TULP1: variants seen among roughly 807,000 people sequenced by gnomAD.
TULP1 encodes the protein tubby-related protein 1.
TULP1 carries 50 observed loss-of-function variants against 67.1 expected under a neutral mutation model. The ratio of observed to expected loss-of-function variants is 0.75; its 90% CI spans 0.59 to 0.94. The LOEUF (loss-of-function observed/expected upper bound fraction) is 0.94. Among genes scored for constraint, TULP1 ranks in the 40% least tolerant of loss-of-function variants. TULP1 has a pLI of 0.00. For missense variants in TULP1, 746 were observed against 734.1 expected, an observed-to-expected ratio of 1.02 and a Z score of -0.19; for synonymous variants, 297 against 294.0, an observed-to-expected ratio of 1.01 and a Z score of -0.11.
chr6:35,506,441 G>A (rs528440059), intron 8 of TULP1, among the ~76,000 whole-genome samples, 162 bp from the exon 9 acceptor site: 1 of 152,284 alleles, frequency 6.6e-6, no homozygotes, highest in South Asian at 2.1e-4. Context: ...TTGTGGATAG[G>A]AGCACACACT....
chr6:35,510,202 C>T (rs1004722181), intron 5 of TULP1, among the ~76,000 whole-genome samples: 5 of 152,052 alleles, frequency 3.3e-5, no homozygotes, highest in East Asian at 1.9e-4. Context: ...TACAGGCGCG[C>T]GCCACCACCC....
At chr6:35,506,765 A>C (rs1761097064) in intron 8 of TULP1, among the ~76,000 whole-genome samples, 1 of 152,172 alleles carries the variant, frequency 6.6e-6, no homozygotes, top group Admixed American at 6.5e-5. Context: ...TCACATAACT[A>C]GTAAGAGGTG....
intron 8 of TULP1, among the ~76,000 whole-genome samples, chr6:35,507,387 C>A (rs2103680): frequency 0.061 from 9,219 of 151,996 alleles, 415 homozygotes; most frequent in Admixed American, 0.12. Context: ...TCCTCCGAGA[C>A]CCTGAGCCAG....
chr6:35,509,260 C>G lies in TULP1; in HGVS notation c.771G>C (p.Thr257=), dbSNP rs189081258. 14 of 1,613,988 alleles carry G rather than the reference C, an allele frequency of 8.7e-6. No individual in the cohort carries two copies. The part of the protein sequence containing the change: ...KEEEEEEEAA[T]VIKKSNQKGK... ...CCTTTTGATTGCTCTTCTTTATCAC[C>G]GTAGCTGCCTCCTCCTCCTCTTCTT... Residue 257 remains threonine, a synonymous_variant, in exon 8 of 15, where the codon ACG becomes ACC. Coordinates refer to ENST00000229771, the MANE Select transcript of TULP1 (RefSeq NM_003322.6).
rs1331834680 is a variant in TULP1 at position 35,512,270 on chromosome 6, G to A, written c.100C>T (p.Arg34Ter). 2.2e-6 allele frequency: 3 copies of A among 1,388,424 alleles called. No homozygotes were observed. Among genetic ancestry groups the A allele is most frequent in the Non-Finnish European group, 2.8e-6 (3 of 1,068,020 alleles). 86.0% of individuals were successfully genotyped at this position (1,388,424 alleles called of 1,614,324 possible). ...CTTAGCCTCTGTGCCGGGGCGGGTC[G>A]CTGCGGAACGGGGGTCAAGAGGAGG... ...SPEAPRRPKQ[R>*]PAPAQRLRKK... Residue 34 changes from arginine to a stop codon, truncating the protein, a stop_gained and splice_region_variant, in exon 3 of 15, where the codon CGA becomes TGA. Transcript: ENST00000229771. LOFTEE classifies it high-confidence loss of function.
At chr6:35,500,221 C>G in intron 13 of TULP1, 69 bp from the exon 14 acceptor site, 1 of 1,562,144 alleles carries the variant, frequency 6.4e-7, no homozygotes, top group South Asian at 1.1e-5. Context: ...CAGGACTGAC[C>G]GGAGAAGGGG....
chr6:35,508,605 T>C (rs1476956505), intron 8 of TULP1, among the ~76,000 whole-genome samples: 1 of 152,224 alleles, frequency 6.6e-6, no homozygotes, highest in Non-Finnish European at 1.5e-5. Flanking sequence ...CTTTTGTGTG[T>C]TGGTGTCTGA....
Position 35,506,274 on chromosome 6 carries a change from C to G in TULP1, c.828G>C (p.Ala276=). Residue 276 remains alanine (A), a splice_region_variant and synonymous_variant, in exon 9 of 15, where the codon GCG becomes GCC. Coordinates refer to ENST00000229771, the MANE Select transcript of TULP1 (RefSeq NM_003322.6). ...CGGGCAGCCCGGCAGGACAACTCAC[C>G]GCTTTCTGTGTGCGGAGAGAACAGA... ...GKAKGKGKKK[A]KEERAPSPPV... The G allele has an allele frequency of 6.3e-7, 1 of 1,582,416 alleles. No homozygotes were observed. The highest frequency in any genetic ancestry group is 8.6e-7 in the Non-Finnish European group (1 of 1,164,396).
At position 35,498,358 on chromosome 6, in the gene TULP1, G is replaced by A; in HGVS notation, c.1598C>T (p.Ser533Phe). 1 of 1,613,278 alleles carries A rather than the reference G, an allele frequency of 6.2e-7. No individual in the cohort carries two copies. The highest frequency in any genetic ancestry group is 8.5e-7 in the Non-Finnish European group (1 of 1,179,772). Residue 533 changes from serine to phenylalanine, a missense_variant, in exon 15 of 15, where the codon TCC (serine) becomes TTC (phenylalanine). Around this residue, in one of 3 missense-constraint regions of TULP1, gnomAD observed 383 missense variants for 374.1 expected, o/e 1.02. Coordinates refer to ENST00000229771, the MANE Select transcript of TULP1 (RefSeq NM_003322.6). This position sits in a 1 kb window ranked among gnomAD's most constrained non-coding sequence, Gnocchi z 6.7. Reference sequence around the variant, plus strand: ...GCAGGCCAGCTTCCCGTCGAAACTGGAGAGGGCGATGGCGAAGGCCTGCAG... The same window carrying A: ...GCAGGCCAGCTTCCCGTCGAAACTGAAGAGGGCGATGGCGAAGGCCTGCAG... Reference protein sequence around the residue: ...CALQAFAIALSSFDGKLACE With the variant: ...CALQAFAIALFSFDGKLACE
intron 8 of TULP1, 120 bp from the exon 9 acceptor site, chr6:35,506,399 G>A: frequency 8.0e-7 from 1 of 1,253,508 alleles, no homozygotes; most frequent in South Asian, 1.3e-5. Context: ...AGGCTCTGGG[G>A]AGCTCTGTGA....
At chr6:35,504,601 C>T (rs1415524626) in intron 11 of TULP1, among the ~76,000 whole-genome samples, 1 of 152,046 alleles carries the variant, frequency 6.6e-6, no homozygotes, top group African/African-American at 2.4e-5. Flanking sequence ...CACTCTGTCG[C>T]CCAGGCTGGA....
chr6:35,499,535 G>A (rs1768782335), intron 14 of TULP1, among the ~76,000 whole-genome samples: 1 of 152,242 alleles, frequency 6.6e-6, no homozygotes. Context: ...AGTAAACACT[G>A]TGTAAGTTTT....
At chr6:35,512,040 A>AATCCCT (rs1561818543) in intron 3 of TULP1, 140 bp downstream of exon 3, 3 of 279,144 alleles carry the variant, frequency 1.1e-5, no homozygotes, top group Non-Finnish European at 1.7e-5. Flanking sequence ...CCCCAACCCC[A>AATCCCT]ATCCCTCCCC....
At chr6:35,509,549 G>C in intron 7 of TULP1, 85 bp downstream of exon 7, 2 of 1,378,602 alleles carry the variant, frequency 1.5e-6, no homozygotes, top group Non-Finnish European at 2.1e-6. Flanking sequence ...ACCTAGCACT[G>C]TCTTGTATGC....
In TULP1 at chr6:35,506,046, C is replaced by T; in HGVS notation, c.956G>A (p.Gly319Asp). The T allele has an allele frequency of 1.9e-6, 3 of 1,613,876 alleles. No individual in the cohort carries two copies. The highest frequency in any genetic ancestry group is 2.5e-6 in the Non-Finnish European group (3 of 1,180,038). Residue 319 changes from glycine to aspartate, a missense_variant, in exon 10 of 15, where the codon GGC becomes GAC. Physicochemically the swap from Gly to Asp is moderately conservative, Grantham distance 94. This residue lies in a region of TULP1 where 383 missense variants were observed against 374.1 expected (regional missense o/e 1.02). Transcript: ENST00000229771. ...LTRDKKGMDR[G>D]MYPSYFLHLD... The stretch of plus-strand genomic sequence containing the variant: ...GTGCAGGAAGTAGGAGGGATACATG[C>T]CTCGATCCATGCCCTTTTTGTCCCG...
chr6:35,504,244 TGG>T (rs1437700318), intron 11 of TULP1: 1 of 247,634 alleles, frequency 4.0e-6, no homozygotes, highest in African/African-American at 2.2e-5. Flanking sequence ...GAGGCTAAGG[TGG>T]GAGGATCACT....
intron 8 of TULP1, among the ~76,000 whole-genome samples, chr6:35,507,536 C>T (rs910981199): frequency 6.6e-6 from 1 of 152,216 alleles, no homozygotes; most frequent in Non-Finnish European, 1.5e-5. Context: ...TATGTAAGCT[C>T]ACTTTGCTCA....
chr6:35,503,905 G>A lies in TULP1; in HGVS notation c.1113-57C>T. The A allele has an allele frequency of 7.2e-7, 1 of 1,384,960 alleles. No homozygotes were observed. Among genetic ancestry groups the A allele is most frequent in the Non-Finnish European group, 1.0e-6 (1 of 1,004,064 alleles). 85.8% of individuals were successfully genotyped at this position (1,384,960 alleles called of 1,614,324 possible). A position where few individuals can be genotyped will look rare whatever the true frequency, so the allele number is the denominator to read the frequency against. On this transcript the variant is annotated intron_variant, in intron 11 of 14. Transcript: ENST00000229771. The surrounding 1 kb of genome is among the most constrained non-coding windows in gnomAD (Gnocchi z 4.0). ...GAGGGGATCCTACATCCCTGCCCCA[G>A]GCCCCTTCCACACAGCCAAGCAGTT...
intron 8 of TULP1, among the ~76,000 whole-genome samples, chr6:35,507,810 A>C (rs555868664): frequency 1.1e-4 from 17 of 152,148 alleles, no homozygotes; most frequent in African/African-American, 3.6e-4. Flanking sequence ...GCCATTTTTT[A>C]AAATTTATTT....
Sources: gnomAD v4.1 joint callset for allele counts (sites outside exome capture counted in the v4.1 genomes callset) on GRCh38, gnomAD v4.1.1 for gene constraint, gnomAD v4.1.1 regional missense constraint, Gnocchi (gnomAD v3.1) non-coding constraint, MANE v1.5 for transcripts, NCBI Gene and HGNC (gene_info 2026-07-23, HGNC 2026-07-21) for gene names.